The following PAQR3 variants were observed in gnomAD, a reference collection of about 807,000 sequenced individuals.
The protein encoded by PAQR3 is Raf kinase trapping to Golgi.
In PAQR3, 39 loss-of-function variants were observed where a neutral mutation model predicts 41.7. The ratio of observed to expected loss-of-function variants is 0.93; its 90% confidence interval spans 0.72 to 1.22. The LOEUF (loss-of-function observed/expected upper bound fraction) is 1.22. Ranked by LOEUF, PAQR3 falls within the 50% of genes most tolerant of loss-of-function variation. The pLI is 0.00. For missense variants in PAQR3, 366 were observed against 385.6 expected, an observed-to-expected ratio of 0.95 and a Z score of 0.42; for synonymous variants, 140 against 140.6, an observed-to-expected ratio of 1.00 and a Z score of 0.03.
intron 11 of PAQR3, chr4:78,899,198 C>G (rs911559461): frequency 6.6e-6 from 1 of 151,968 alleles, no homozygotes; most frequent in African/African-American, 2.4e-5. Flanking sequence ...GAAATAACAG[C>G]CTGAGAGAGA....
chr4:78,921,870 T>G, intron 5 of PAQR3: 2 of 985,094 alleles, frequency 2.0e-6, no homozygotes, highest in Non-Finnish European at 2.4e-6. Context: ...TGCTCTCATG[T>G]ACCCAAACTC....
In PAQR3 at chr4:78,889,220, C is replaced by CAA. The variant is rs71661191; in HGVS notation, c.*837-1074_*837-1073dup. Among the ~76,000 whole-genome samples the CAA allele has an allele frequency of 7.2e-3, 366 of 51,098 alleles. 1 individual carries two copies. Among genetic ancestry groups the CAA allele is most frequent in the Non-Finnish European group, 9.3e-3 (215 of 23,200 alleles). 33.5% of individuals were successfully genotyped at this position (51,098 alleles called of 152,430 possible). A position where few individuals can be genotyped will look rare whatever the true frequency, so the allele number is the denominator to read the frequency against. On this transcript the variant is annotated intron_variant and NMD_transcript_variant, in intron 11 of 12. Coordinates refer to the PAQR3 transcript ENST00000342820. ...TGGGCGATAGAGTGAGACTCTGTCT[C>CAA]AAAAAAAAAAAAAAAAAAAAAAGCC...
At chr4:78,901,732 C>A (rs1029560715) in intron 11 of PAQR3, among the ~76,000 whole-genome samples, 2 of 152,094 alleles carry the variant, frequency 1.3e-5, no homozygotes, top group African/African-American at 4.8e-5. Flanking sequence ...TGTGGACCAC[C>A]CCATTTTAAT....
intron 1 of PAQR3, among the ~76,000 whole-genome samples, 167 bp downstream of exon 1, chr4:78,938,873 G>A (rs1737722705): frequency 6.6e-6 from 1 of 151,642 alleles, no homozygotes; most frequent in African/African-American, 2.4e-5. Context: ...CCCCGGCCAG[G>A]TAAGGGGAGA....
At position 78,912,533 on chromosome 4, in the gene PAQR3, A is replaced by T. The variant is rs1207642405; in HGVS notation, c.*8006T>A. 6.5e-6 allele frequency: 1 copy of T among 153,148 alleles called. No individual in the cohort carries two copies. Among genetic ancestry groups the T allele is most frequent in the Non-Finnish European group, 1.5e-5 (1 of 68,798 alleles). 9.5% of individuals were successfully genotyped at this position (153,148 alleles called of 1,614,324 possible). A position where few individuals can be genotyped will look rare whatever the true frequency, so the allele number is the denominator to read the frequency against. ...AGCATTAGAAAGTTATTATCTGGAG[A>T]GTGCAGAGATTTCAGTCCATACACC... On this transcript the variant is annotated 3_prime_UTR_variant, in exon 6 of 6. Transcript: ENST00000512733.
intron 11 of PAQR3, among the ~76,000 whole-genome samples, chr4:78,900,930 C>T (rs1156468702): frequency 1.3e-5 from 2 of 151,312 alleles, no homozygotes; most frequent in Non-Finnish European, 2.9e-5. Flanking sequence ...GGTTATAAAA[C>T]TGATGTTAGT....
chr4:78,919,031 T>C lies in PAQR3; in HGVS notation c.*1508A>G, dbSNP rs1040477000. Reference sequence around the variant, plus strand: ...CTTTACTGAGCCTCCTGGGGGGAAATTCTCTTTGCTGAGATACTATACTAG... The same window carrying C: ...CTTTACTGAGCCTCCTGGGGGGAAACTCTCTTTGCTGAGATACTATACTAG... On this transcript the variant is annotated 3_prime_UTR_variant, in exon 6 of 6. Transcript: ENST00000512733. The C allele has an allele frequency of 3.4e-5, 33 of 984,874 alleles. No individual in the cohort carries two copies. The African/African-American group carries it at 5.4e-4, about 16-fold the overall frequency. 61.0% of individuals were successfully genotyped at this position (984,874 alleles called of 1,614,324 possible).
chr4:78,901,639 C>T (rs1349396796), intron 11 of PAQR3, among the ~76,000 whole-genome samples: 2 of 152,102 alleles, frequency 1.3e-5, no homozygotes, highest in African/African-American at 4.8e-5. Flanking sequence ...ACCCACATTC[C>T]CTTTCTTCTC....
rs1048327116 is a variant in PAQR3 at position 78,888,361 on chromosome 4, G to A, written c.*837-213C>T. Among the ~76,000 whole-genome samples, 4 of 152,128 alleles carry A rather than the reference G, an allele frequency of 2.6e-5. No individual in the cohort carries two copies. The East Asian group carries it at 7.7e-4, about 29-fold the overall frequency. ...TTCCCTTATACCCCCAATACCCTGG[G>A]TAATGGAATTATTACTGTCTAAAAT... is the stretch of plus-strand genomic sequence containing the variant. On this transcript the variant is annotated intron_variant and NMD_transcript_variant, in intron 11 of 12. Coordinates refer to the PAQR3 transcript ENST00000342820.
rs768866993 is a variant in PAQR3, at chr4:78,926,570, G to A, written c.653C>T (p.Thr218Ile). 1 of 1,613,920 alleles carries A rather than the reference G, an allele frequency of 6.2e-7. No individual in the cohort carries two copies. The highest frequency in any genetic ancestry group is 1.1e-5 in the South Asian group (1 of 91,080). The change falls in exon 4 of 6, where the codon ACT (threonine) becomes ATT (isoleucine). Residue 218 changes from threonine to isoleucine, a missense_variant. Thr to Ile is a moderately conservative substitution (Grantham distance 89). Transcript: ENST00000512733. ...CSVSGYGVIP[T>I]LHWVWLNGGI... is the part of the protein sequence containing the mutation. ...TCCATTGAGCCAAACCCAGTGAAGAGTAGGAATCACTCCATATCCCGAAAC... is the reference window on the plus strand; with the variant it reads ...TCCATTGAGCCAAACCCAGTGAAGAATAGGAATCACTCCATATCCCGAAAC...
At chr4:78,930,470 CTGTAGAGCTCACTCTACA>C (rs1736742731) in intron 2 of PAQR3, 145 bp from the exon 3 acceptor site, 3 of 740,476 alleles carry the variant, frequency 4.1e-6, no homozygotes, top group East Asian at 5.8e-5. Flanking sequence ...TACATGGCTA[CTGTAGAGCTCACTCTACA>C]TGTAGAGCCA....
chr4:78,934,677 A>G (rs1737242529), intron 2 of PAQR3, among the ~76,000 whole-genome samples: 1 of 152,198 alleles, frequency 6.6e-6, no homozygotes, highest in African/African-American at 2.4e-5. Context: ...CATTAAAGCA[A>G]CAGAGTAAAA....
intron 4 of PAQR3, among the ~76,000 whole-genome samples, chr4:78,924,805 G>A (rs915651210): frequency 9.3e-5 from 14 of 151,336 alleles, no homozygotes; most frequent in African/African-American, 2.7e-4. Flanking sequence ...TGCTTGAGCC[G>A]AGGAGTTTGA....
chr4:78,889,775 G>A (rs1310261508), intron 11 of PAQR3, among the ~76,000 whole-genome samples: 1 of 152,192 alleles, frequency 6.6e-6, no homozygotes, highest in African/African-American at 2.4e-5. Flanking sequence ...AAGTATATGC[G>A]ATAAGCCATC....
intron 11 of PAQR3, among the ~76,000 whole-genome samples, chr4:78,895,612 G>T (rs1333358013): frequency 6.6e-6 from 1 of 152,010 alleles, no homozygotes. Context: ...AAAATAAGAA[G>T]ATGGATCTAT....
rs116452367 is a variant in PAQR3 at position 78,889,372 on chromosome 4, C to G, written c.*837-1224G>C. Among the ~76,000 whole-genome samples the G allele has an allele frequency of 2.0e-3, 308 of 151,856 alleles. 2 individuals are homozygous for G. The highest frequency in any genetic ancestry group is 7.1e-3 in the African/African-American group (295 of 41,382). The stretch of plus-strand genomic sequence containing the variant: ...GGAGAGTATGGTCATAGGAGAAATG[C>G]GTCTCCTGAGAAAGAAGAAAAAGTG... On this transcript the variant is annotated intron_variant and NMD_transcript_variant, in intron 11 of 12. Coordinates refer to the PAQR3 transcript ENST00000342820.
At chr4:78,889,488 A>G (rs1420696147) in intron 11 of PAQR3, among the ~76,000 whole-genome samples, 1 of 152,160 alleles carries the variant, frequency 6.6e-6, no homozygotes, top group Non-Finnish European at 1.5e-5. Flanking sequence ...ACTTATTATA[A>G]AGCTTTGAAA....
intron 10 of PAQR3, among the ~76,000 whole-genome samples, chr4:78,906,494 AGT>A (rs1366204778): frequency 1.1e-4 from 16 of 152,138 alleles, no homozygotes; most frequent in Admixed American, 3.3e-4. Flanking sequence ...TCTTTTTGAA[AGT>A]GTGTTTCCAT....
Position 78,919,023 on chromosome 4 carries a change from G to C in PAQR3, c.*1516C>G, listed in dbSNP as rs201510542. ...CGGTATTCCTTTACTGAGCCTCCTG[G>C]GGGGAAATTCTCTTTGCTGAGATAC... On this transcript the variant is annotated 3_prime_UTR_variant, in exon 6 of 6. Coordinates refer to ENST00000512733, the MANE Select transcript of PAQR3 (RefSeq NM_001040202.2). 1 of 984,818 alleles carries C rather than the reference G, an allele frequency of 1.0e-6. No individual in the cohort carries two copies. The highest frequency in any genetic ancestry group is 4.7e-5 in the South Asian group (1 of 21,278). 61.0% of individuals were successfully genotyped at this position (984,818 alleles called of 1,614,324 possible). A position where few individuals can be genotyped will look rare whatever the true frequency, so the allele number is the denominator to read the frequency against.
Sources: allele counts gnomAD v4.1 joint callset (sites outside exome capture counted in the v4.1 genomes callset), GRCh38; gene constraint gnomAD v4.1.1; transcripts MANE v1.5; gene names NCBI Gene and HGNC (gene_info 2026-07-23, HGNC 2026-07-21).